Variants in SUN1 observed in about 807,000 individuals in gnomAD.
SUN1 encodes SUN domain-containing protein 1.
In SUN1, 61 loss-of-function variants were observed where a neutral mutation model predicts 103.2. That is an observed-to-expected ratio of 0.59 (90% CI 0.48 to 0.73). The LOEUF (loss-of-function observed/expected upper bound fraction) is 0.73. Among genes scored for constraint, SUN1 ranks in the 30% least tolerant of loss-of-function variants. SUN1 has a pLI of 0.00. For missense variants in SUN1, 1,052 were observed against 1,034.6 expected, an observed-to-expected ratio of 1.02 and a Z score of -0.23; for synonymous variants, 490 against 425.7, an observed-to-expected ratio of 1.15 and a Z score of -1.86.
At chr7:825,208 G>A (rs1052450861) in intron 1 of SUN1, among the ~76,000 whole-genome samples, 9 of 152,050 alleles carry the variant, frequency 5.9e-5, no homozygotes, top group South Asian at 2.1e-4. Flanking sequence ...ACAGGCGCCC[G>A]CCACTGCGCC....
At chr7:859,147 C>T (rs1321912412) in intron 13 of SUN1, among the ~76,000 whole-genome samples, 2 of 145,580 alleles carry the variant, frequency 1.4e-5, no homozygotes, top group African/African-American at 2.6e-5. Flanking sequence ...AGCAAGACTC[C>T]GTCTCAAAAA....
intron 13 of SUN1, among the ~76,000 whole-genome samples, chr7:858,876 C>T (rs1040330480): frequency 2.6e-5 from 4 of 152,236 alleles, no homozygotes; most frequent in South Asian, 2.1e-4. Context: ...TGCGATAGGC[C>T]GGGCGCCGCG....
intron 18 of SUN1, 133 bp from the exon 19 acceptor site, chr7:873,082 G>C: frequency 1.2e-6 from 1 of 843,710 alleles, no homozygotes; most frequent in Non-Finnish European, 2.0e-6. Context: ...GCAAGACTCT[G>C]TCTCAACAAC....
chr7:853,309 A>C, intron 9 of SUN1, 100 bp from the exon 10 acceptor site: 1 of 1,383,836 alleles, frequency 7.2e-7, no homozygotes, highest in Non-Finnish European at 1.0e-6. Flanking sequence ...CGTGCGCCCC[A>C]GAGCTGGCGT....
rs536691019 is a variant in SUN1 at position 847,902 on chromosome 7, T to C, written c.659-3482T>C. Among the ~76,000 whole-genome samples, 3 of 150,736 alleles carry C rather than the reference T, an allele frequency of 2.0e-5. No individual in the cohort carries two copies. In the East Asian group the frequency reaches 6.0e-4, roughly 30 times the overall value. On this transcript the variant is annotated intron_variant, in intron 5 of 18. Coordinates refer to ENST00000401592, the MANE Select transcript of SUN1 (RefSeq NM_001130965.3). Reference sequence around the variant, plus strand: ...TTACCCCGCAGCGCCGTCTCCGGGATCCCCTGGGGGTTACTCCACAGTCCA... The same window carrying C: ...TTACCCCGCAGCGCCGTCTCCGGGACCCCCTGGGGGTTACTCCACAGTCCA...
intron 5 of SUN1, chr7:849,985 C>T (rs775319539): frequency 1.0e-5 from 16 of 1,602,178 alleles, no homozygotes; most frequent in Admixed American, 1.7e-5. Flanking sequence ...GCAGTCGCCA[C>T]GGCTGCCCGG....
upstream of SUN1, among the ~76,000 whole-genome samples, chr7:832,310 A>G (rs1798709579): frequency 6.6e-6 from 1 of 152,184 alleles, no homozygotes; most frequent in Admixed American, 6.5e-5. Flanking sequence ...TTATGATAGA[A>G]GTGTTCCTGG....
At position 838,910 on chromosome 7, in the gene SUN1, A is replaced by G. The variant is rs1436500544; in HGVS notation, c.190A>G (p.Thr64Ala). The part of the protein sequence containing the change: ...RSLRLATTAC[T>A]LGDGEAVGAD... ...TTTGCGCCTGGCCACGACAGCATGCACCCTGGGGGATGGTGAGGCTGTGGG... is the reference window on the plus strand; with the variant it reads ...TTTGCGCCTGGCCACGACAGCATGCGCCCTGGGGGATGGTGAGGCTGTGGG... Residue 64 changes from threonine (T) to alanine (A), a missense_variant, in exon 2 of 19, where the codon ACC becomes GCC. Thr to Ala is a moderately conservative substitution (Grantham distance 58). This residue lies in a region of SUN1 where 846 missense variants were observed against 774.5 expected (regional missense o/e 1.09). Coordinates refer to ENST00000401592, the MANE Select transcript of SUN1 (RefSeq NM_001130965.3). 1 of 1,611,308 alleles carries G rather than the reference A, an allele frequency of 6.2e-7. No individual in the cohort carries two copies. Among genetic ancestry groups the G allele is most frequent in the Non-Finnish European group, 8.5e-7 (1 of 1,179,268 alleles).
At chr7:855,804 G>A (rs540656669) in intron 11 of SUN1, among the ~76,000 whole-genome samples, 4 of 151,970 alleles carry the variant, frequency 2.6e-5, no homozygotes, top group Non-Finnish European at 4.4e-5. Flanking sequence ...CTGTCCACCC[G>A]AGAGGGTCTG....
chr7:861,968 C>G (rs1361108688), intron 15 of SUN1, among the ~76,000 whole-genome samples: 1 of 152,188 alleles, frequency 6.6e-6, no homozygotes. Context: ...GGCCAGACCT[C>G]TTGGGGCAGA....
chr7:851,761 G>C (rs1416244354), intron 6 of SUN1, 189 bp from the exon 7 acceptor site: 1 of 639,348 alleles, frequency 1.6e-6, no homozygotes, highest in Non-Finnish European at 2.7e-6. Flanking sequence ...CCTGCATTCT[G>C]TCCTGTGTGT....
intron 11 of SUN1, among the ~76,000 whole-genome samples, chr7:855,320 C>T (rs997201855): frequency 6.6e-6 from 1 of 152,210 alleles, no homozygotes; most frequent in Non-Finnish European, 1.5e-5. Context: ...CAGGGTGCTT[C>T]CTCACTGCCA....
chr7:849,985 CG>C, intron 5 of SUN1: 1 of 1,602,178 alleles, frequency 6.2e-7, no homozygotes, highest in Non-Finnish European at 8.5e-7. Context: ...GCAGTCGCCA[CG>C]GCTGCCCGGT....
At chr7:823,197 A>G (rs1788060282) in intron 1 of SUN1, among the ~76,000 whole-genome samples, 1 of 152,246 alleles carries the variant, frequency 6.6e-6, no homozygotes, top group South Asian at 2.1e-4. Context: ...TTAGAGCCGA[A>G]GGTGAATGAG....
Position 823,918 on chromosome 7 carries a change from A to G in SUN1, c.-74+7245A>G, listed in dbSNP as rs537279725. ...GGAAATAAAACGATGCCTGTGTACC[A>G]ACTGGAATTACAGATGGGTTACATG... is the stretch of plus-strand genomic sequence containing the variant. On this transcript the variant is annotated intron_variant, in intron 1 of 17. Transcript: ENST00000389574. 2.5e-3 allele frequency among the ~76,000 whole-genome samples: 387 copies of G among 152,366 alleles called. 1 individual carries two copies. Among genetic ancestry groups the G allele is most frequent in the Non-Finnish European group, 4.2e-3 (286 of 68,038 alleles).
At chr7:820,424 A>G (rs183396847) in intron 1 of SUN1, among the ~76,000 whole-genome samples, 1 of 152,274 alleles carries the variant, frequency 6.6e-6, no homozygotes, top group African/African-American at 2.4e-5. Flanking sequence ...TTGATCTTGT[A>G]TCCTGAAACT....
At chr7:831,222 G>A (rs1797631279), upstream of SUN1, among the ~76,000 whole-genome samples, 1 of 152,054 alleles carries the variant, frequency 6.6e-6, no homozygotes, top group East Asian at 1.9e-4. Flanking sequence ...CTGTGTCTGG[G>A]TCGGACGCTG....
At chr7:848,589 A>C in intron 5 of SUN1, 2 of 1,347,006 alleles carry the variant, frequency 1.5e-6, no homozygotes, top group Non-Finnish European at 2.0e-6. Flanking sequence ...TCCGAAAGCT[A>C]TAAGTCAAAA....
Position 872,017 on chromosome 7 carries a change from G to T in SUN1, c.2149-453G>T, listed in dbSNP as rs1000962226. The stretch of plus-strand genomic sequence containing the variant: ...GACTCCCCACACCCCAGCTTAGGCC[G>T]GCACTCGCTCCCTTCTGCCTGCTCT... On this transcript the variant is annotated intron_variant, in intron 17 of 18. Transcript: ENST00000401592. Among the ~76,000 whole-genome samples the T allele has an allele frequency of 2.6e-5, 4 of 152,162 alleles. No homozygotes were observed. In the East Asian group the frequency reaches 7.7e-4, roughly 29 times the overall value.
Sources: gnomAD v4.1 joint callset for allele counts (sites outside exome capture counted in the v4.1 genomes callset) on GRCh38, gnomAD v4.1.1 for gene constraint, gnomAD v4.1.1 regional missense constraint, MANE v1.5 for transcripts, NCBI Gene and HGNC (gene_info 2026-07-23, HGNC 2026-07-21) for gene names.